Variants in NCR3LG1 observed in about 807,000 individuals in gnomAD.
The protein encoded by NCR3LG1 is natural cytotoxicity triggering receptor 3 ligand 1.
NCR3LG1 carries 35 observed loss-of-function variants against 34.8 expected under a neutral mutation model. The observed-to-expected ratio is 1.01, with a 90% confidence interval of 0.77 to 1.33. The LOEUF (loss-of-function observed/expected upper bound fraction) is 1.33. Among genes scored for constraint, NCR3LG1 ranks in the 40% most tolerant of loss-of-function variants. The pLI, the probability that NCR3LG1 is intolerant of heterozygous loss-of-function variation, is 0.00. For missense variants in NCR3LG1, 452 were observed against 423.3 expected, an observed-to-expected ratio of 1.07 and a Z score of -0.60; for synonymous variants, 173 against 163.6, an observed-to-expected ratio of 1.06 and a Z score of -0.44.
intron 2 of NCR3LG1, among the ~76,000 whole-genome samples, chr11:17,361,347 G>A (rs1953267400): frequency 6.6e-6 from 1 of 150,652 alleles, no homozygotes; most frequent in Non-Finnish European, 1.5e-5. Context: ...GAGTGCAGTG[G>A]TACAATCTCA....
chr11:17,354,201 G>C (rs1446393419), intron 1 of NCR3LG1, among the ~76,000 whole-genome samples: 1 of 152,238 alleles, frequency 6.6e-6, no homozygotes, highest in South Asian at 2.1e-4. Flanking sequence ...TCTCTATGTA[G>C]GTTATACCAC....
rs2133364841 is a variant in NCR3LG1 at position 17,372,354 on chromosome 11, A to G, written c.1207A>G (p.Thr403Ala). Residue 403 changes from threonine to alanine, a missense_variant, in exon 5 of 5, where the codon ACA (threonine) becomes GCA (alanine). Transcript: ENST00000338965. ...AGGCAAGTCCATAGATGATAATTCC[A>G]CAAAGTCTGAGAAACAAACCCCTAG... ...TSGKSIDDNS[T>A]KSEKQTPREH... The G allele has an allele frequency of 1.4e-6, 1 of 703,050 alleles. No individual in the cohort carries two copies. The highest frequency in any genetic ancestry group is 2.6e-6 in the Non-Finnish European group (1 of 385,018). 43.6% of individuals were successfully genotyped at this position (703,050 alleles called of 1,614,324 possible). A position where few individuals can be genotyped will look rare whatever the true frequency, so the allele number is the denominator to read the frequency against.
chr11:17,359,521 AT>A (rs1422868302), intron 2 of NCR3LG1, among the ~76,000 whole-genome samples: 156 of 119,948 alleles, frequency 1.3e-3, no homozygotes, highest in African/African-American at 4.2e-3. Context: ...TTTTTTTGAG[AT>A]TTTTTTTTTG....
chr11:17,372,655 C>G lies in NCR3LG1; in HGVS notation c.*143C>G, dbSNP rs537123929. On this transcript the variant is annotated 3_prime_UTR_variant, in exon 5 of 5. Transcript: ENST00000338965. ...TCCAAAACCTAACTCAGGTGTTTGA[C>G]CTTACTTGGGGTGATGTTATGTTGC... The G allele has an allele frequency of 1.1e-4, 67 of 587,584 alleles. No homozygotes were observed. The highest frequency in any genetic ancestry group is 1.1e-3 in the African/African-American group (59 of 53,908). The allele number at this position is 587,584 out of a possible 1,614,324, so 36.4% of individuals were successfully genotyped here.
chr11:17,371,141 C>T (rs1178818072), intron 4 of NCR3LG1, among the ~76,000 whole-genome samples: 1 of 147,940 alleles, frequency 6.8e-6, no homozygotes, highest in East Asian at 1.9e-4. Flanking sequence ...TTAAGCATTC[C>T]CTCTATGAGA....
Position 17,351,921 on chromosome 11 carries a change from C to G in NCR3LG1, c.-49C>G. 1 of 1,432,704 alleles carries G rather than the reference C, an allele frequency of 7.0e-7. No individual in the cohort carries two copies. Among genetic ancestry groups the G allele is most frequent in the South Asian group, 1.2e-5 (1 of 81,594 alleles). The allele number at this position is 1,432,704 out of a possible 1,614,324, so 88.7% of individuals were successfully genotyped here. ...CCCCCTGCCCTTGGTTTCTACCGGG[C>G]CGCCTGCTCCCACTCGGCGAAAAAA... On this transcript the variant is annotated 5_prime_UTR_variant, in exon 1 of 5. Transcript: ENST00000338965.
chr11:17,380,570 C>T (rs1002455699), downstream of NCR3LG1: 1 of 152,176 alleles, frequency 6.6e-6, no homozygotes, highest in South Asian at 2.1e-4. Flanking sequence ...ACTGCAACCT[C>T]CACCTCCTGG....
chr11:17,356,324 A>C (rs112580500), intron 1 of NCR3LG1, among the ~76,000 whole-genome samples: 15,867 of 151,346 alleles, frequency 0.1, 2,728 homozygotes, highest in African/African-American at 0.36. Context: ...TTTTTAGTAG[A>C]GATGGGGCTT....
chr11:17,367,383 C>T, intron 3 of NCR3LG1, 36 bp downstream of exon 3: 2 of 1,446,432 alleles, frequency 1.4e-6, no homozygotes, highest in Non-Finnish European at 1.9e-6. Flanking sequence ...CTCTTCCTTG[C>T]CTTGAGGGAC....
intron 1 of NCR3LG1, 79 bp downstream of exon 1, chr11:17,352,118 GC>G: frequency 1.1e-6 from 1 of 897,664 alleles, no homozygotes; most frequent in Non-Finnish European, 1.6e-6. Context: ...CTAGCATCCC[GC>G]CAGGGGACCT....
At chr11:17,361,660 T>C (rs1365513579) in intron 2 of NCR3LG1, among the ~76,000 whole-genome samples, 1 of 152,264 alleles carries the variant, frequency 6.6e-6, no homozygotes, top group Non-Finnish European at 1.5e-5. Context: ...TTTTTGCTTA[T>C]TAACTTTGTA....
chr11:17,364,801 C>T (rs1953327146), intron 2 of NCR3LG1, among the ~76,000 whole-genome samples: 1 of 152,186 alleles, frequency 6.6e-6, no homozygotes, highest in Admixed American at 6.5e-5. Flanking sequence ...CCACCTCGGC[C>T]TCCCAAAGTG....
downstream of NCR3LG1, among the ~76,000 whole-genome samples, chr11:17,380,096 C>T (rs1053463704): frequency 6.6e-6 from 1 of 152,282 alleles, no homozygotes; most frequent in African/African-American, 2.4e-5. Flanking sequence ...CTGCTGATCT[C>T]GGGGATCTGG....
rs913556117 is a variant in NCR3LG1 at position 17,375,414 on chromosome 11, C to T, written c.*2902C>T. 11 of 152,130 alleles carry T rather than the reference C, an allele frequency of 7.2e-5. No homozygotes were observed. Among genetic ancestry groups the T allele is most frequent in the Admixed American group, 3.3e-4 (5 of 15,282 alleles). The allele number at this position is 152,130 out of a possible 1,614,324, so 9.4% of individuals were successfully genotyped here. On this transcript the variant is annotated 3_prime_UTR_variant, in exon 5 of 5. Coordinates refer to ENST00000338965, the MANE Select transcript of NCR3LG1 (RefSeq NM_001202439.3). ...TCTGAAAAGTGGGATATGCAGTAGT[C>T]ACCCTAAATAACATTGAAAATGTGC...
At position 17,370,651 on chromosome 11, in the gene NCR3LG1, A is replaced by G. The variant is rs185975941; in HGVS notation, c.859-1355A>G. 1.6e-3 allele frequency among the ~76,000 whole-genome samples: 250 copies of G among 152,254 alleles called. 1 individual carries two copies. Among genetic ancestry groups the G allele is most frequent in the Non-Finnish European group, 3.0e-3 (201 of 68,022 alleles). On this transcript the variant is annotated intron_variant, in intron 4 of 4. Transcript: ENST00000338965. ...CTTTCACAGAGGACTTAGCTGTCAC[A>G]TGGGCTAGAAGGAGGTCCTGGGGCA...
At chr11:17,367,506 A>G (rs1953359411) in intron 3 of NCR3LG1, among the ~76,000 whole-genome samples, 159 bp downstream of exon 3, 2 of 152,156 alleles carry the variant, frequency 1.3e-5, no homozygotes, top group South Asian at 4.1e-4. Context: ...GCTCAGCCCC[A>G]GAGTCAGCAG....
chr11:17,354,298 G>T (rs1953178515), intron 1 of NCR3LG1, among the ~76,000 whole-genome samples: 1 of 152,214 alleles, frequency 6.6e-6, no homozygotes, highest in Non-Finnish European at 1.5e-5. Flanking sequence ...CTTGAAAAAG[G>T]CGAATGCTGT....
chr11:17,379,782 C>G (rs892875640), downstream of NCR3LG1, among the ~76,000 whole-genome samples: 1 of 152,142 alleles, frequency 6.6e-6, no homozygotes, highest in Non-Finnish European at 1.5e-5. Context: ...TTTTTTAAAG[C>G]CACTGTTTTA....
intron 2 of NCR3LG1, among the ~76,000 whole-genome samples, chr11:17,364,537 T>C (rs1479277957): frequency 6.7e-6 from 1 of 149,224 alleles, no homozygotes; most frequent in Admixed American, 6.7e-5. Flanking sequence ...TCACTGATTC[T>C]TTCCTTGTCA....
Sources: allele counts gnomAD v4.1 joint callset (sites outside exome capture counted in the v4.1 genomes callset), GRCh38; gene constraint gnomAD v4.1.1; transcripts MANE v1.5; gene names NCBI Gene and HGNC (gene_info 2026-07-23, HGNC 2026-07-21).